The following RHOF variants were observed in gnomAD, a reference collection of about 807,000 sequenced individuals.
RHOF encodes the protein rho-related GTP-binding protein RhoF.
A neutral mutation model predicts 22.2 loss-of-function variants in RHOF; 21 were observed. The observed-to-expected ratio is 0.95, with a 90% CI of 0.67 to 1.36. The LOEUF (loss-of-function observed/expected upper bound fraction) is 1.36, where lower values mean the gene tolerates loss of function less well. Ranked by LOEUF, RHOF falls within the 40% of genes most tolerant of loss-of-function variation. The pLI, the probability that RHOF is intolerant of heterozygous loss-of-function variation, is 0.00. For synonymous variants in RHOF, 135 were observed against 131.2 expected (o/e 1.03, Z -0.20); for missense variants, 285 against 293.7 (o/e 0.97, Z 0.22).
At chr12:121,786,637 C>T (rs752087042) in intron 2 of RHOF, among the ~76,000 whole-genome samples, 11 of 152,152 alleles carry the variant, frequency 7.2e-5, no homozygotes, top group African/African-American at 2.4e-4. Context: ...TATGGAATGT[C>T]GCCTCCTCCC....
chr12:121,779,577 C>T lies in RHOF; in HGVS notation c.557G>A (p.Arg186Gln), dbSNP rs151204339. 23 of 1,614,028 alleles carry T rather than the reference C, an allele frequency of 1.4e-5. 1 individual carries two copies. The highest frequency in any genetic ancestry group is 6.6e-5 in the South Asian group (6 of 91,090). ...GCTGAGAGCCACCTTGGCGGCCTCC[C>T]GGAAGACGTCCTCCACATTCTCCCG... The part of the protein sequence containing the change: ...KFRENVEDVF[R>Q]EAAKVALSAL... Residue 186 changes from arginine to glutamine, a missense_variant, in exon 5 of 5, where the codon CGG becomes CAG. Coordinates refer to ENST00000267205, the MANE Select transcript of RHOF (RefSeq NM_019034.3).
In RHOF at chr12:121,781,010, T is replaced by C. The variant is rs1195706886; in HGVS notation, c.337-4A>G. On this transcript the variant is annotated splice_polypyrimidine_tract_variant and splice_region_variant and intron_variant, in intron 3 of 4. Coordinates refer to ENST00000267205, the MANE Select transcript of RHOF (RefSeq NM_019034.3). Reference sequence around the variant, plus strand: ...AATGCGTGACCTCAGGGAACCACTGTGGAGGGAGGAGGCGGGATCAGGGGT... The same window carrying C: ...AATGCGTGACCTCAGGGAACCACTGCGGAGGGAGGAGGCGGGATCAGGGGT... 2 of 1,613,126 alleles carry C rather than the reference T, an allele frequency of 1.2e-6. No individual in the cohort carries two copies. The highest frequency in any genetic ancestry group is 1.7e-6 in the Non-Finnish European group (2 of 1,179,440).
chr12:121,784,340 T>TA (rs1874551906), intron 2 of RHOF, among the ~76,000 whole-genome samples: 1 of 146,204 alleles, frequency 6.8e-6, no homozygotes. Context: ...AGGTCAGGAT[T>TA]TTGAGACCAG....
Position 121,793,552 on chromosome 12 carries a change from C to T in RHOF, c.82G>A (p.Gly28Ser). Residue 28 changes from glycine to serine, a missense_variant, in exon 1 of 5, where the codon GGC becomes AGC. Coordinates refer to ENST00000267205, the MANE Select transcript of RHOF (RefSeq NM_019034.3). Reference protein sequence around the residue: ...KELKIVIVGDGGCGKTSLLMV... With the variant: ...KELKIVIVGDSGCGKTSLLMV... ...AGCAGCGAGGTCTTGCCGCAGCCGC[C>T]GTCGCCCACGATCACGATCTTCAGC... 6.5e-7 allele frequency: 1 copy of T among 1,548,654 alleles called. No homozygotes were observed. Among genetic ancestry groups the T allele is most frequent in the Non-Finnish European group, 8.7e-7 (1 of 1,149,856 alleles).
rs746152646 is a variant in RHOF at position 121,779,541 on chromosome 12, T to C, written c.593A>G (p.Lys198Arg). The C allele has an allele frequency of 1.9e-6, 3 of 1,613,098 alleles. No individual in the cohort carries two copies. The highest frequency in any genetic ancestry group is 1.7e-5 in the Admixed American group (1 of 60,004). The change falls in exon 5 of 5, where the codon AAG becomes AGG. Residue 198 changes from lysine to arginine, a missense_variant. Transcript: ENST00000267205. ...CCGGCGCTTCTTCTGCCGTTGCGCC[T>C]TCTTCAGAGCGCTGAGAGCCACCTT... ...AAKVALSALK[K>R]AQRQKKRRLC...
Position 121,793,227 on chromosome 12 carries a change from A to G in RHOF, c.151T>C (p.Ser51Pro), listed in dbSNP as rs988737599. Residue 51 changes from serine to proline, a missense_variant, in exon 2 of 5, where the codon TCG (serine) becomes CCG (proline). Coordinates refer to ENST00000267205, the MANE Select transcript of RHOF (RefSeq NM_019034.3). Reference protein sequence around the residue: ...QGSFPEHYAPSVFEKYTASVT... With the variant: ...QGSFPEHYAPPVFEKYTASVT... ...CTGGCCGTGTACTTCTCGAACACCGATGGGGCGTAGTGCTGCGGGAGAGGG... is the reference window on the plus strand; with the variant it reads ...CTGGCCGTGTACTTCTCGAACACCGGTGGGGCGTAGTGCTGCGGGAGAGGG... The G allele has an allele frequency of 5.2e-6, 8 of 1,550,814 alleles. No homozygotes were observed. Among genetic ancestry groups the G allele is most frequent in the Non-Finnish European group, 7.0e-6 (8 of 1,146,848 alleles).
chr12:121,788,475 G>A lies in RHOF; in HGVS notation c.226+4677C>T, dbSNP rs141867588. Among the ~76,000 whole-genome samples, 313 of 152,186 alleles carry A rather than the reference G, an allele frequency of 2.1e-3. 1 individual carries two copies. The highest frequency in any genetic ancestry group is 6.8e-3 in the Middle Eastern group (2 of 294). On this transcript the variant is annotated intron_variant, in intron 2 of 4. Transcript: ENST00000267205. ...CAGTGTGGGCCTTTGGGGCGTGGGG[G>A]TGGTGGGGGGACCAGGCCTGCAGAG... is the stretch of plus-strand genomic sequence containing the variant.
At chr12:121,787,869 C>G (rs1592958362) in intron 2 of RHOF, among the ~76,000 whole-genome samples, 1 of 122,566 alleles carries the variant, frequency 8.2e-6, no homozygotes, top group Admixed American at 1.2e-4. Context: ...CCAGCCTGGG[C>G]AACAGAGTGA....
At chr12:121,793,052 C>A (rs553464063) in intron 2 of RHOF, 100 bp downstream of exon 2, 14 of 1,058,892 alleles carry the variant, frequency 1.3e-5, no homozygotes, top group Non-Finnish European at 1.7e-5. Context: ...CAAGGCCCTG[C>A]CAAGGCTGCA....
At chr12:121,790,150 C>G (rs762431779) in intron 2 of RHOF, among the ~76,000 whole-genome samples, 2 of 152,248 alleles carry the variant, frequency 1.3e-5, no homozygotes, top group African/African-American at 4.8e-5. Context: ...AGGAGGGAGA[C>G]AGCCACACGG....
chr12:121,793,515 C>A lies in RHOF; in HGVS notation c.119G>T (p.Ser40Ile), dbSNP rs768542510. 6.5e-7 allele frequency: 1 copy of A among 1,543,330 alleles called. No individual in the cohort carries two copies. The highest frequency in any genetic ancestry group is 1.2e-5 in the South Asian group (1 of 84,050). The stretch of plus-strand genomic sequence containing the variant: ...CCTCACCTCGGGGAAGGAGCCCTGG[C>A]TGTACACCATGAGCAGCGAGGTCTT... ...CGKTSLLMVYSQGSFPEHYAP... is the reference protein window; with the variant it reads ...CGKTSLLMVYIQGSFPEHYAP... Residue 40 changes from serine to isoleucine, a missense_variant, in exon 1 of 5, where the codon AGC becomes ATC. Ser to Ile is a moderately radical substitution (Grantham distance 142, BLOSUM62 -2). Coordinates refer to ENST00000267205, the MANE Select transcript of RHOF (RefSeq NM_019034.3).
At chr12:121,787,345 G>A (rs889624114) in intron 2 of RHOF, among the ~76,000 whole-genome samples, 1 of 152,174 alleles carries the variant, frequency 6.6e-6, no homozygotes, top group Non-Finnish European at 1.5e-5. Context: ...TGTTAAGAAC[G>A]CAAGTGGTGG....
chr12:121,792,999 G>T (rs1176108732), intron 2 of RHOF, among the ~76,000 whole-genome samples, 153 bp downstream of exon 2: 2 of 152,228 alleles, frequency 1.3e-5, no homozygotes. Flanking sequence ...CTAGGGCCCC[G>T]CAGCCAGCGC....
Position 121,779,295 on chromosome 12 carries a change from C to T in RHOF, c.*203G>A. ...CTGGCTCCTGCACCCACATCACCAC[C>T]ATGTCCCAGGGGCAGCCTGGAGGGG... is the stretch of plus-strand genomic sequence containing the variant. On this transcript the variant is annotated 3_prime_UTR_variant, in exon 5 of 5. Transcript: ENST00000267205. The T allele has an allele frequency of 3.3e-6, 2 of 615,058 alleles. No homozygotes were observed. The highest frequency in any genetic ancestry group is 4.1e-5 in the South Asian group (2 of 49,336). 38.1% of individuals were successfully genotyped at this position (615,058 alleles called of 1,614,324 possible).
intron 2 of RHOF, among the ~76,000 whole-genome samples, chr12:121,792,694 C>A (rs1193913191): frequency 6.6e-6 from 1 of 152,238 alleles, no homozygotes; most frequent in Non-Finnish European, 1.5e-5. Context: ...GGCCACAGAG[C>A]CCTGGAGCCA....
intron 2 of RHOF, among the ~76,000 whole-genome samples, chr12:121,786,499 C>T (rs146281777): frequency 1.8e-4 from 28 of 152,268 alleles, no homozygotes; most frequent in Non-Finnish European, 2.6e-4. Context: ...AGAAGTCAGC[C>T]CCGGGGCGCT....
At chr12:121,791,942 C>T (rs1168671) in intron 2 of RHOF, among the ~76,000 whole-genome samples, 111,317 of 152,194 alleles carry the variant, frequency 0.73, 42,375 homozygotes, top group East Asian at 0.95. Context: ...ACTTTTACTA[C>T]CCCCGGGCCA....
At position 121,793,603 on chromosome 12, in the gene RHOF, C is replaced by T. The variant is rs754149985; in HGVS notation, c.31G>A (p.Ala11Thr). 6 of 1,550,540 alleles carry T rather than the reference C, an allele frequency of 3.9e-6. No homozygotes were observed. Among genetic ancestry groups the T allele is most frequent in the Non-Finnish European group, 5.2e-6 (6 of 1,153,550 alleles). Residue 11 changes from alanine to threonine, a missense_variant, in exon 1 of 5, where the codon GCC (alanine) becomes ACC (threonine). Physicochemically the swap from Ala to Thr is moderately conservative, Grantham distance 58. Coordinates refer to ENST00000267205, the MANE Select transcript of RHOF (RefSeq NM_019034.3). ...TCCTTCCTGCCCGGACCGGGGGCGG[C>T]GGTCTGGGCCAGGGCCCCGGGGGCA... MDAPGALAQT[A>T]APGPGRKELK... is the part of the protein sequence containing the mutation.
intron 4 of RHOF, 126 bp from the exon 5 acceptor site, chr12:121,779,788 CTCCTCCA>C: frequency 3.1e-6 from 3 of 962,306 alleles, no homozygotes; most frequent in Middle Eastern, 2.9e-4. Flanking sequence ...GCCTGTCTGT[CTCCTCCA>C]TCCTGGCTGC....
Sources: gnomAD v4.1 joint callset for allele counts (sites outside exome capture counted in the v4.1 genomes callset) on GRCh38, gnomAD v4.1.1 for gene constraint, MANE v1.5 for transcripts, NCBI Gene and HGNC (gene_info 2026-07-23, HGNC 2026-07-21) for gene names.